Variants in STPG4 observed in about 807,000 individuals in gnomAD.
STPG4 encodes sperm-tail PG-rich repeat containing 4, also known as protein STPG4.
Under a neutral mutation model 31.5 loss-of-function variants are expected in STPG4, and 41 were observed. The ratio of observed to expected loss-of-function variants is 1.30; its 90% CI spans 1.01 to 1.69. The LOEUF is 1.69. Ranked by LOEUF, STPG4 falls within the 40% of genes most tolerant of loss-of-function variation. STPG4 has a pLI of 0.00. For synonymous variants in STPG4, 141 were observed against 103.0 expected, an observed-to-expected ratio of 1.37 and a Z score of -2.24; for missense variants, 375 against 293.4, an observed-to-expected ratio of 1.28 and a Z score of -2.03.
intron 5 of STPG4, among the ~76,000 whole-genome samples, chr2:47,128,519 A>G (rs539165287): frequency 8.1e-4 from 123 of 152,254 alleles, no homozygotes; most frequent in African/African-American, 2.9e-3. Context: ...AAGCCAGAAG[A>G]CAAAGTTTTT....
intron 5 of STPG4, among the ~76,000 whole-genome samples, chr2:47,103,027 G>A (rs1415086487): frequency 6.6e-6 from 1 of 151,866 alleles, no homozygotes; most frequent in African/African-American, 2.4e-5. Context: ...GAGATACCTG[G>A]TATCTTAGTC....
rs556718439 is a variant in STPG4, at chr2:47,096,698, C to A, written c.520-6324G>T. Among the ~76,000 whole-genome samples, 7 of 152,308 alleles carry A rather than the reference C, an allele frequency of 4.6e-5. No individual in the cohort carries two copies. The South Asian group carries it at 1.5e-3, about 32-fold the overall frequency. On this transcript the variant is annotated intron_variant, in intron 5 of 6. Coordinates refer to ENST00000445927, the MANE Select transcript of STPG4 (RefSeq NM_001163561.2). ...TTAAAAAGTCAAATCCACAAATATT[C>A]ACTGAAACCTGCTGTGAGCAAGGTA...
At chr2:47,110,492 A>C (rs201066844) in intron 5 of STPG4, among the ~76,000 whole-genome samples, 1 of 152,154 alleles carries the variant, frequency 6.6e-6, no homozygotes, top group Non-Finnish European at 1.5e-5. Context: ...TACTTGGGAG[A>C]CTGAGGCAGG....
chr2:47,143,827 G>C (rs1686765130), intron 3 of STPG4, among the ~76,000 whole-genome samples: 3 of 152,070 alleles, frequency 2.0e-5, no homozygotes, highest in Non-Finnish European at 4.4e-5. Flanking sequence ...TATTACAATT[G>C]GATTGTAAAA....
intron 3 of STPG4, among the ~76,000 whole-genome samples, chr2:47,147,976 G>T (rs1693888): frequency 6.9e-6 from 1 of 145,436 alleles, no homozygotes; most frequent in Non-Finnish European, 1.5e-5. Flanking sequence ...TTTTGAGACC[G>T]GGTCTTGCTC....
chr2:47,152,001 G>T (rs908677415), intron 2 of STPG4, among the ~76,000 whole-genome samples: 2 of 151,162 alleles, frequency 1.3e-5, no homozygotes, highest in African/African-American at 4.9e-5. Context: ...CTGACCTTGT[G>T]ATCCGCCCGC....
intron 5 of STPG4, among the ~76,000 whole-genome samples, chr2:47,101,089 T>G (rs1246158166): frequency 6.6e-6 from 1 of 151,738 alleles, no homozygotes; most frequent in Non-Finnish European, 1.5e-5. Context: ...AAGCAGTGAG[T>G]ACCATCGGAC....
At chr2:47,128,473 TG>T (rs1686406946) in intron 5 of STPG4, among the ~76,000 whole-genome samples, 1 of 152,112 alleles carries the variant, frequency 6.6e-6, no homozygotes, top group Non-Finnish European at 1.5e-5. Context: ...AGGAATTTAT[TG>T]GGTACTCTAT....
intron 5 of STPG4, among the ~76,000 whole-genome samples, chr2:47,101,486 C>A (rs1329429911): frequency 6.6e-6 from 1 of 151,846 alleles, no homozygotes; most frequent in Non-Finnish European, 1.5e-5. Context: ...GCCTGCCACA[C>A]AAACTTCCTC....
At chr2:47,093,845 C>G (rs565415104) in intron 5 of STPG4, among the ~76,000 whole-genome samples, 1 of 152,246 alleles carries the variant, frequency 6.6e-6, no homozygotes, top group African/African-American at 2.4e-5. Flanking sequence ...TCCAAAGCCA[C>G]AGGCATGCTG....
chr2:47,135,665 G>A (rs1961278), intron 3 of STPG4, among the ~76,000 whole-genome samples: 3,260 of 152,282 alleles, frequency 0.021, 40 homozygotes, highest in African/African-American at 0.031. Context: ...AGGATTACAG[G>A]CATGAACCAC....
intron 5 of STPG4, among the ~76,000 whole-genome samples, chr2:47,123,853 GA>G (rs968006014): frequency 1.1e-4 from 17 of 152,086 alleles, no homozygotes; most frequent in African/African-American, 3.6e-4. Context: ...GAGTACATGA[GA>G]TATTTTGATA....
chr2:47,090,531 C>G (rs1685550341), intron 5 of STPG4, among the ~76,000 whole-genome samples, 157 bp from the exon 6 acceptor site: 1 of 152,130 alleles, frequency 6.6e-6, no homozygotes, highest in Non-Finnish European at 1.5e-5. Context: ...TGAGCTGGGA[C>G]AAGTCATTGT....
At chr2:47,117,641 G>C (rs1360528585) in intron 5 of STPG4, among the ~76,000 whole-genome samples, 1 of 152,182 alleles carries the variant, frequency 6.6e-6, no homozygotes, top group Non-Finnish European at 1.5e-5. Flanking sequence ...GTGTGCTTGC[G>C]TGTATACACA....
At chr2:47,110,861 T>A (rs765558478) in intron 5 of STPG4, among the ~76,000 whole-genome samples, 10 of 152,222 alleles carry the variant, frequency 6.6e-5, no homozygotes, top group Non-Finnish European at 1.5e-4. Flanking sequence ...TGCCAAATAT[T>A]TTTTGGGTGG....
intron 5 of STPG4, among the ~76,000 whole-genome samples, chr2:47,105,008 C>T (rs1240277997): frequency 6.6e-6 from 1 of 151,910 alleles, no homozygotes; most frequent in Non-Finnish European, 1.5e-5. Context: ...AGTGAGATAG[C>T]CAGACCCCTC....
At chr2:47,132,339 T>C (rs1573185627) in intron 3 of STPG4, among the ~76,000 whole-genome samples, 1 of 152,096 alleles carries the variant, frequency 6.6e-6, no homozygotes. Context: ...TCCCTATTAT[T>C]TTTATGTCAG....
chr2:47,136,506 T>C (rs1003959661), intron 3 of STPG4, among the ~76,000 whole-genome samples: 1 of 152,224 alleles, frequency 6.6e-6, no homozygotes, highest in Non-Finnish European at 1.5e-5. Context: ...ATCGTGTACA[T>C]ATTTTGTTAG....
At chr2:47,155,103 G>A (rs895688795) in intron 1 of STPG4, 68 bp downstream of exon 1, 81 of 1,470,874 alleles carry the variant, frequency 5.5e-5, no homozygotes, top group Non-Finnish European at 6.8e-5. Flanking sequence ...TTAGAGAGCG[G>A]TGGGAAAAGG....
Sources: allele counts gnomAD v4.1 joint callset (sites outside exome capture counted in the v4.1 genomes callset), GRCh38; gene constraint gnomAD v4.1.1; transcripts MANE v1.5; gene names NCBI Gene and HGNC (gene_info 2026-07-23, HGNC 2026-07-21).